RFC3: variants seen among roughly 807,000 people sequenced by gnomAD.
RFC3 encodes the protein A1 38 kDa subunit.
A neutral mutation model predicts 45.1 loss-of-function variants in RFC3; 41 were observed. The observed-to-expected ratio is 0.91, with a 90% CI of 0.71 to 1.18. The LOEUF is 1.18. Among genes scored for constraint, RFC3 ranks in the 50% most tolerant of loss-of-function variants. The pLI is 0.00. For missense variants in RFC3, 423 were observed against 428.1 expected, an observed-to-expected ratio of 0.99 and a Z score of 0.10; for synonymous variants, 149 against 144.0, an observed-to-expected ratio of 1.03 and a Z score of -0.25.
chr13:33,846,387 CTACAAAGGT>C (rs2082236935), intron 8 of RFC3: 1 of 152,298 alleles, frequency 6.6e-6, no homozygotes. Flanking sequence ...CAGGGTGTGT[CTACAAAGGT>C]CATCCGGGAG....
chr13:33,923,812 G>C (rs1437299295), intron 8 of RFC3, among the ~76,000 whole-genome samples: 3 of 152,100 alleles, frequency 2.0e-5, no homozygotes, highest in Non-Finnish European at 4.4e-5. Flanking sequence ...ACACCAAGGA[G>C]AGCTTTCTAA....
chr13:33,826,865 A>G (rs993698535), intron 4 of RFC3, among the ~76,000 whole-genome samples: 1 of 152,096 alleles, frequency 6.6e-6, no homozygotes, highest in African/African-American at 2.4e-5. Context: ...TAGTGTGGTT[A>G]ATAGTAATAG....
chr13:33,852,577 A>G (rs2082283198), intron 8 of RFC3, among the ~76,000 whole-genome samples: 1 of 152,070 alleles, frequency 6.6e-6, no homozygotes, highest in Admixed American at 6.6e-5. Context: ...AGGAACATTG[A>G]GAAATAATAA....
At chr13:33,865,027 A>G (rs2082364394) in intron 8 of RFC3, among the ~76,000 whole-genome samples, 1 of 152,206 alleles carries the variant, frequency 6.6e-6, no homozygotes, top group South Asian at 2.1e-4. Context: ...GAAAGAGAAC[A>G]AAATTCATTT....
chr13:33,949,201 A>G (rs1390607378), intron 8 of RFC3, among the ~76,000 whole-genome samples: 2 of 151,884 alleles, frequency 1.3e-5, no homozygotes, highest in South Asian at 4.2e-4. Flanking sequence ...ATCTCACAAG[A>G]TCTGATGGTT....
chr13:33,834,329 T>TATATATATATATATATACATACACATAC (rs1300798923), intron 7 of RFC3, among the ~76,000 whole-genome samples: 2 of 125,106 alleles, frequency 1.6e-5, no homozygotes, highest in African/African-American at 6.8e-5. Flanking sequence ...TATATATATA[T>TATATATATATATATATACATACACATAC]ATCTGTACTG....
intron 4 of RFC3, 179 bp from the exon 5 acceptor site, chr13:33,829,657 G>C: frequency 1.6e-6 from 1 of 618,566 alleles, no homozygotes; most frequent in South Asian, 2.0e-5. Flanking sequence ...TATGATTGTA[G>C]CATTTTAAAA....
intron 8 of RFC3, among the ~76,000 whole-genome samples, chr13:33,861,272 A>G (rs1189342445): frequency 1.3e-5 from 2 of 152,198 alleles, no homozygotes; most frequent in Non-Finnish European, 2.9e-5. Flanking sequence ...TGATTTAATA[A>G]TATCGGTAAA....
At chr13:33,886,843 T>A (rs1307718318) in intron 8 of RFC3, among the ~76,000 whole-genome samples, 4 of 146,984 alleles carry the variant, frequency 2.7e-5, no homozygotes, top group Non-Finnish European at 6.0e-5. Context: ...GTCCATGTGT[T>A]CTCATTGTTC....
rs1313423540 is a variant in RFC3 at position 33,818,161 on chromosome 13, C to T, written c.-18C>T. On this transcript the variant is annotated 5_prime_UTR_variant, in exon 1 of 9. Transcript: ENST00000380071. ...GCGCGGGATTTTCAAGCGTAGGCCCCCGGGAACTCGAGCTGCCATGAGCCT... is the reference window on the plus strand; with the variant it reads ...GCGCGGGATTTTCAAGCGTAGGCCCTCGGGAACTCGAGCTGCCATGAGCCT... 1.9e-6 allele frequency: 3 copies of T among 1,608,518 alleles called. No homozygotes were observed. Among genetic ancestry groups the T allele is most frequent in the Non-Finnish European group, 2.5e-6 (3 of 1,176,860 alleles).
At chr13:33,888,846 C>T (rs771860245) in intron 8 of RFC3, among the ~76,000 whole-genome samples, 11 of 151,352 alleles carry the variant, frequency 7.3e-5, no homozygotes, top group African/African-American at 1.7e-4. Flanking sequence ...CCCAGGTTCA[C>T]GCCATTCTCC....
At chr13:33,885,898 A>G (rs2082518127) in intron 8 of RFC3, among the ~76,000 whole-genome samples, 1 of 151,978 alleles carries the variant, frequency 6.6e-6, no homozygotes, top group African/African-American at 2.4e-5. Flanking sequence ...GAGATTAAAG[A>G]TATTATTTAC....
At chr13:33,945,040 A>C (rs767668852) in intron 8 of RFC3, among the ~76,000 whole-genome samples, 2 of 152,126 alleles carry the variant, frequency 1.3e-5, no homozygotes, top group Non-Finnish European at 2.9e-5. Context: ...TCCTCCTCAG[A>C]TCCCGGCTAA....
At chr13:33,873,412 A>C (rs1265741153) in intron 8 of RFC3, among the ~76,000 whole-genome samples, 1 of 152,116 alleles carries the variant, frequency 6.6e-6, no homozygotes, top group African/African-American at 2.4e-5. Flanking sequence ...CTGTTTTTCA[A>C]CTCCAAATAC....
At chr13:33,871,509 G>A (rs1458165231) in intron 8 of RFC3, among the ~76,000 whole-genome samples, 1 of 152,124 alleles carries the variant, frequency 6.6e-6, no homozygotes, top group Non-Finnish European at 1.5e-5. Flanking sequence ...TGATGACATT[G>A]GCCACAGCCA....
At chr13:33,951,618 G>A (rs1320111307) in intron 8 of RFC3, among the ~76,000 whole-genome samples, 1 of 152,046 alleles carries the variant, frequency 6.6e-6, no homozygotes, top group Non-Finnish European at 1.5e-5. Flanking sequence ...ACTAAATGGA[G>A]AAATTACCTT....
chr13:33,844,177 C>G (rs1481278275), intron 8 of RFC3, among the ~76,000 whole-genome samples: 1 of 152,212 alleles, frequency 6.6e-6, no homozygotes, highest in Non-Finnish European at 1.5e-5. Context: ...CTTGTTCTCT[C>G]TTTTAAAGGA....
In RFC3 at chr13:33,831,358, CCAGTATAAAA is replaced by C; in HGVS notation, c.809+5_809+14del. 1 of 1,525,586 alleles carries C rather than the reference CCAGTATAAAA, an allele frequency of 6.6e-7. No homozygotes were observed. The highest frequency in any genetic ancestry group is 9.1e-7 in the Non-Finnish European group (1 of 1,099,674). 94.5% of individuals were successfully genotyped at this position (1,525,586 alleles called of 1,614,324 possible). ...TCAGTCAGCAAACTCCACAAAGGTA[CCAGTATAAAA>C]TGATGACAGTAAAGCTTTCATTATC... On this transcript the variant is annotated splice_donor_5th_base_variant and intron_variant, in intron 7 of 8. Transcript: ENST00000380071.
At chr13:33,934,947 C>T (rs2082876916) in intron 8 of RFC3, among the ~76,000 whole-genome samples, 1 of 152,132 alleles carries the variant, frequency 6.6e-6, no homozygotes, top group Admixed American at 6.6e-5. Context: ...TGATGGTCTG[C>T]TCACATTGTG....
Sources: allele counts gnomAD v4.1 joint callset (sites outside exome capture counted in the v4.1 genomes callset), GRCh38; gene constraint gnomAD v4.1.1; transcripts MANE v1.5; gene names NCBI Gene and HGNC (gene_info 2026-07-23, HGNC 2026-07-21).